CDC40: variants seen among roughly 807,000 people sequenced by gnomAD.
CDC40 encodes cell division cycle 40, also known as pre-mRNA-processing factor 17.
Under a neutral mutation model 80.6 loss-of-function variants are expected in CDC40, and 27 were observed. The ratio of observed to expected loss-of-function variants is 0.33; its 90% CI spans 0.25 to 0.46. The LOEUF is 0.46. Among genes scored for constraint, CDC40 ranks in the 20% least tolerant of loss-of-function variants. CDC40 has a pLI of 1.00. For synonymous variants in CDC40, 221 were observed against 232.6 expected, an observed-to-expected ratio of 0.95 and a Z score of 0.45; for missense variants, 486 against 694.1, an observed-to-expected ratio of 0.70 and a Z score of 3.37.
At chr6:110,224,891 C>G (rs1777830987) in intron 12 of CDC40, among the ~76,000 whole-genome samples, 1 of 152,190 alleles carries the variant, frequency 6.6e-6, no homozygotes, top group Non-Finnish European at 1.5e-5. Context: ...AGAAAATTCT[C>G]ATGTTTTAAT....
At chr6:110,226,674 A>G (rs565212134) in intron 13 of CDC40, among the ~76,000 whole-genome samples, 5 of 151,450 alleles carry the variant, frequency 3.3e-5, no homozygotes, top group African/African-American at 9.7e-5. Context: ...CAGCCTCCCA[A>G]GGTGCTGGGA....
At position 110,180,533 on chromosome 6, in the gene CDC40, C is replaced by A; in HGVS notation, c.89C>A (p.Pro30Gln). ...TCGGACAGTGAGAGCAGTCGGTGTC[C>A]GCTGCCAGCCGCCGACTCCCTCATG... is the stretch of plus-strand genomic sequence containing the variant. ...SDSDSESSRC[P>Q]LPAADSLMHL... Residue 30 changes from proline to glutamine, a missense_variant, in exon 1 of 15, where the codon CCG becomes CAG. Pro to Gln is a moderately conservative substitution (Grantham distance 76, BLOSUM62 -1). Around this residue, in one of 3 missense-constraint regions of CDC40, gnomAD observed 381 missense variants for 492.1 expected, o/e 0.77. Coordinates refer to ENST00000307731, the MANE Select transcript of CDC40 (RefSeq NM_015891.3). The A allele has an allele frequency of 6.2e-7, 1 of 1,614,138 alleles. No individual in the cohort carries two copies. The highest frequency in any genetic ancestry group is 1.3e-5 in the African/African-American group (1 of 75,046).
chr6:110,195,371 A>C (rs935335859), intron 2 of CDC40, among the ~76,000 whole-genome samples: 7 of 152,166 alleles, frequency 4.6e-5, no homozygotes, highest in African/African-American at 1.7e-4. Flanking sequence ...ATGCCTCTAA[A>C]GTACTACTCA....
At chr6:110,213,744 T>C (rs1049137281) in intron 8 of CDC40, among the ~76,000 whole-genome samples, 1 of 152,192 alleles carries the variant, frequency 6.6e-6, no homozygotes, top group Non-Finnish European at 1.5e-5. Flanking sequence ...TAATTCATCC[T>C]TTTTCTTCTA....
rs539132089 is a variant in CDC40 at position 110,198,655 on chromosome 6, T to C, written c.277-2903T>C. Reference sequence around the variant, plus strand: ...TTCTCACTTAAATGTGTATGTTTTATGTAAGGAGATTGCAATTATAATTTA... The same window carrying C: ...TTCTCACTTAAATGTGTATGTTTTACGTAAGGAGATTGCAATTATAATTTA... On this transcript the variant is annotated intron_variant, in intron 2 of 14. Transcript: ENST00000307731. Among the ~76,000 whole-genome samples, 220 of 152,380 alleles carry C rather than the reference T, an allele frequency of 1.4e-3. 1 individual carries two copies. The highest frequency in any genetic ancestry group is 4.8e-3 in the African/African-American group (200 of 41,590).
chr6:110,209,883 A>G (rs1306611478), intron 5 of CDC40, among the ~76,000 whole-genome samples: 4 of 152,156 alleles, frequency 2.6e-5, no homozygotes, highest in Non-Finnish European at 5.9e-5. Context: ...TTATTCTACT[A>G]TTTTTTATTT....
At chr6:110,201,960 A>G (rs1270493349) in intron 3 of CDC40, among the ~76,000 whole-genome samples, 7 of 152,194 alleles carry the variant, frequency 4.6e-5, no homozygotes, top group Non-Finnish European at 1.0e-4. Context: ...TAGGTAATGG[A>G]CATTTGTTAT....
chr6:110,215,352 A>G, intron 9 of CDC40, 21 bp downstream of exon 9: 1 of 1,598,994 alleles, frequency 6.3e-7, no homozygotes. Flanking sequence ...TTTTCTCTCC[A>G]ACATAAATCT....
intron 1 of CDC40, among the ~76,000 whole-genome samples, chr6:110,180,919 T>G (rs1299119215): frequency 6.6e-6 from 1 of 152,218 alleles, no homozygotes; most frequent in Non-Finnish European, 1.5e-5. Context: ...AAAGTGCAGG[T>G]GTAATCTCGG....
intron 12 of CDC40, among the ~76,000 whole-genome samples, chr6:110,223,216 C>T (rs1400696214): frequency 6.6e-6 from 1 of 152,152 alleles, no homozygotes; most frequent in Non-Finnish European, 1.5e-5. Flanking sequence ...TCCTGAGTGA[C>T]TAGGACTACA....
intron 12 of CDC40, among the ~76,000 whole-genome samples, chr6:110,221,472 A>G (rs921056234): frequency 1.3e-5 from 2 of 152,174 alleles, no homozygotes; most frequent in African/African-American, 4.8e-5. Flanking sequence ...ATTATCCCCA[A>G]TTAGTAGAGA....
intron 8 of CDC40, among the ~76,000 whole-genome samples, chr6:110,214,370 T>C (rs1441920104): frequency 6.6e-6 from 1 of 152,218 alleles, no homozygotes; most frequent in Non-Finnish European, 1.5e-5. Flanking sequence ...TATTATGATA[T>C]AAATGATTAT....
chr6:110,217,819 T>A lies in CDC40; in HGVS notation c.1090+16T>A, dbSNP rs370895509. 1 of 1,202,742 alleles carries A rather than the reference T, an allele frequency of 8.3e-7. No individual in the cohort carries two copies. Among genetic ancestry groups the A allele is most frequent in the African/African-American group, 1.5e-5 (1 of 67,088 alleles). The allele number at this position is 1,202,742 out of a possible 1,614,324, so 74.5% of individuals were successfully genotyped here. A position where few individuals can be genotyped will look rare whatever the true frequency, so the allele number is the denominator to read the frequency against. The stretch of plus-strand genomic sequence containing the variant: ...ACTGAGACAGGTAAGAGTTCACTTA[T>A]GCTAATACACATTCATCTTACAAGT... On this transcript the variant is annotated intron_variant, in intron 10 of 14. Transcript: ENST00000307731.
rs1309401530 is a variant in CDC40 at position 110,213,453 on chromosome 6, G to A, written c.942+293G>A. 5.4e-5 allele frequency among the ~76,000 whole-genome samples: 8 copies of A among 148,662 alleles called. No individual in the cohort carries two copies. In the South Asian group the frequency reaches 8.5e-4, roughly 16 times the overall value. On this transcript the variant is annotated intron_variant, in intron 8 of 14. Coordinates refer to ENST00000307731, the MANE Select transcript of CDC40 (RefSeq NM_015891.3). ...TGCCCAGGCTGGAGTGCAGTGGCAC[G>A]ACCTCAGCTCACTGCAAGCTTCGCC...
intron 5 of CDC40, among the ~76,000 whole-genome samples, chr6:110,210,506 C>T (rs111323533): frequency 4.8e-5 from 7 of 145,560 alleles, no homozygotes; most frequent in African/African-American, 1.8e-4. Flanking sequence ...AGCAGAGATT[C>T]GCGCCACTGC....
chr6:110,180,562 T>C lies in CDC40; in HGVS notation c.118T>C (p.Leu40=). Reference sequence around the variant, plus strand: ...GCCAGCCGCCGACTCCCTCATGCACTTGACTAAATCGCCTTCATCAAAGCC... The same window carrying C: ...GCCAGCCGCCGACTCCCTCATGCACCTGACTAAATCGCCTTCATCAAAGCC... ...PLPAADSLMH[L]TKSPSSKPSL... The change falls in exon 1 of 15, where the codon TTG becomes CTG. Residue 40 remains leucine (L), a synonymous_variant. Coordinates refer to ENST00000307731, the MANE Select transcript of CDC40 (RefSeq NM_015891.3). The C allele has an allele frequency of 6.2e-7, 1 of 1,614,228 alleles. No individual in the cohort carries two copies. Among genetic ancestry groups the C allele is most frequent in the Non-Finnish European group, 8.5e-7 (1 of 1,180,012 alleles).
intron 1 of CDC40, among the ~76,000 whole-genome samples, chr6:110,185,241 CTTTTT>C (rs1227694611): frequency 8.1e-6 from 1 of 124,028 alleles, no homozygotes; most frequent in Non-Finnish European, 1.6e-5. Context: ...ATCTTTTTTT[CTTTTT>C]TTTTTTTTTT....
At chr6:110,184,962 T>C (rs1257491096) in intron 1 of CDC40, among the ~76,000 whole-genome samples, 2 of 152,168 alleles carry the variant, frequency 1.3e-5, no homozygotes, top group Non-Finnish European at 1.5e-5. Flanking sequence ...ATATCAGTAA[T>C]GATACAGAAT....
chr6:110,208,032 T>C (rs1279522537), intron 4 of CDC40, among the ~76,000 whole-genome samples: 1 of 152,248 alleles, frequency 6.6e-6, no homozygotes, highest in Non-Finnish European at 1.5e-5. Context: ...ATGTGTTGTA[T>C]GTATGCTTGT....
Sources: allele counts gnomAD v4.1 joint callset (sites outside exome capture counted in the v4.1 genomes callset), GRCh38; gene constraint gnomAD v4.1.1; regional missense constraint gnomAD v4.1.1; transcripts MANE v1.5; gene names NCBI Gene and HGNC (gene_info 2026-07-23, HGNC 2026-07-21).